MEGF8: variants seen among roughly 807,000 people sequenced by gnomAD.
MEGF8 encodes multiple epidermal growth factor-like domains protein 8.
MEGF8 carries 156 observed loss-of-function variants against 302.9 expected under a neutral mutation model. The observed-to-expected ratio is 0.52, with a 90% CI of 0.45 to 0.59. MEGF8 has a LOEUF of 0.59. Ranked by LOEUF, MEGF8 falls within the 20% of genes least tolerant of loss-of-function variation. The pLI is 0.00. For missense variants in MEGF8, 3,345 were observed against 3,964.5 expected, an observed-to-expected ratio of 0.84 and a Z score of 4.20; for synonymous variants, 1,621 against 1,660.5, an observed-to-expected ratio of 0.98 and a Z score of 0.58.
At chr19:42,346,304 G>T (rs1053965571) in intron 12 of MEGF8, among the ~76,000 whole-genome samples, 1 of 145,874 alleles carries the variant, frequency 6.9e-6, no homozygotes, top group African/African-American at 2.5e-5. Flanking sequence ...CTGTAATTCC[G>T]GCCGAGGTGG....
chr19:42,326,950 G>T (rs1295492395), intron 1 of MEGF8, among the ~76,000 whole-genome samples: 1 of 151,768 alleles, frequency 6.6e-6, no homozygotes, highest in Non-Finnish European at 1.5e-5. Context: ...AACGATCCTC[G>T]CACCTCAGCC....
In MEGF8 at chr19:42,377,802, AT is replaced by A. The variant is rs1374814125; in HGVS notation, c.*1030del. The A allele has an allele frequency of 3.3e-5, 5 of 151,920 alleles. No homozygotes were observed. Among genetic ancestry groups the A allele is most frequent in the African/African-American group, 9.7e-5 (4 of 41,422 alleles). The allele number at this position is 151,920 out of a possible 1,614,324, so 9.4% of individuals were successfully genotyped here. Reference sequence around the variant, plus strand: ...ACTCCACCTCAAAAAAAAAAAAAAAATTTAAGAGGTCACTCAGTTGTGCTGT... The same window carrying A: ...ACTCCACCTCAAAAAAAAAAAAAAAATTAAGAGGTCACTCAGTTGTGCTGT... On this transcript the variant is annotated 3_prime_UTR_variant, in exon 42 of 42. Transcript: ENST00000251268.
Position 42,358,443 on chromosome 19 carries a change from C to T in MEGF8, c.5175+136C>T. ...TATGTTCCCTAACTAAGCGACACCC[C>T]CACATCTCCCCCGCTTCCATCCCTG... On this transcript the variant is annotated intron_variant, in intron 29 of 41. Transcript: ENST00000251268. This position sits in a 1 kb window ranked among gnomAD's most constrained non-coding sequence, Gnocchi z 4.4. 8.8e-7 allele frequency: 1 copy of T among 1,130,528 alleles called. No individual in the cohort carries two copies. Among genetic ancestry groups the T allele is most frequent in the South Asian group, 1.6e-5 (1 of 61,650 alleles). 70.0% of individuals were successfully genotyped at this position (1,130,528 alleles called of 1,614,324 possible). A position where few individuals can be genotyped will look rare whatever the true frequency, so the allele number is the denominator to read the frequency against.
At chr19:42,345,690 A>T (rs760307013) in intron 12 of MEGF8, among the ~76,000 whole-genome samples, 4 of 152,214 alleles carry the variant, frequency 2.6e-5, no homozygotes, top group Admixed American at 6.5e-5. Flanking sequence ...TTATCCATTC[A>T]TCAGCTGATG....
At chr19:42,359,024 C>T in intron 30 of MEGF8, 70 bp downstream of exon 30, 1 of 1,556,050 alleles carries the variant, frequency 6.4e-7, no homozygotes, top group South Asian at 1.2e-5. Flanking sequence ...ACAGGGGTGG[C>T]TGGAGGGCTA....
At position 42,351,362 on chromosome 19, in the gene MEGF8, G is replaced by T. The variant is rs761611427; in HGVS notation, c.2855+28G>T. ...GAGTCAGGCTGGGTGCAGGGAGTGG[G>T]TGGGTGGATGTGCCTGGGGATGTGT... On this transcript the variant is annotated intron_variant, in intron 16 of 41. Transcript: ENST00000251268. This position sits in a 1 kb window ranked among gnomAD's most constrained non-coding sequence, Gnocchi z 5.6. The T allele has an allele frequency of 6.4e-7, 1 of 1,567,906 alleles. No homozygotes were observed. The highest frequency in any genetic ancestry group is 1.9e-5 in the Admixed American group (1 of 52,590).
chr19:42,370,817 C>A lies in MEGF8; in HGVS notation c.7122C>A (p.Asp2374Glu), dbSNP rs765312333. Residue 2374 changes from aspartate (D) to glutamate (E), a missense_variant, in exon 40 of 42, where the codon GAC (aspartate) becomes GAA (glutamate). By Grantham distance (45) the Asp-to-Glu change is conservative. Coordinates refer to ENST00000251268, the MANE Select transcript of MEGF8 (RefSeq NM_001271938.2). ...ESCLQGYFLL[D>E]GKCTKCQCNG... is the part of the protein sequence containing the mutation. ...GCCTGCAGGGCTACTTCCTCCTGGA[C>A]GGGAAGTGCACCAAGTAAGAGGAAC... 1.0e-6 allele frequency: 1 copy of A among 959,092 alleles called. No individual in the cohort carries two copies. The highest frequency in any genetic ancestry group is 1.6e-6 in the Non-Finnish European group (1 of 638,212). The allele number at this position is 959,092 out of a possible 1,614,324, so 59.4% of individuals were successfully genotyped here. A position where few individuals can be genotyped will look rare whatever the true frequency, so the allele number is the denominator to read the frequency against.
Position 42,352,076 on chromosome 19 carries a change from C to A in MEGF8, c.3102-132C>A. The A allele has an allele frequency of 8.1e-7, 1 of 1,231,172 alleles. No individual in the cohort carries two copies. Among genetic ancestry groups the A allele is most frequent in the African/African-American group, 1.5e-5 (1 of 65,566 alleles). The allele number at this position is 1,231,172 out of a possible 1,614,324, so 76.3% of individuals were successfully genotyped here. A position where few individuals can be genotyped will look rare whatever the true frequency, so the allele number is the denominator to read the frequency against. On this transcript the variant is annotated intron_variant, in intron 18 of 41. Transcript: ENST00000251268. This position sits in a 1 kb window ranked among gnomAD's most constrained non-coding sequence, Gnocchi z 4.4. ...TTTTGTCTGCGACTTCTCCTGGTTT[C>A]TCTGTCTCTCTTTCCAAATTTGTAT...
intron 3 of MEGF8, 123 bp from the exon 4 acceptor site, chr19:42,334,912 C>T: frequency 2.1e-6 from 2 of 944,042 alleles, no homozygotes; most frequent in Non-Finnish European, 3.1e-6. Flanking sequence ...CTGTCTGTCT[C>T]TTTCTCTCTC....
intron 8 of MEGF8, among the ~76,000 whole-genome samples, chr19:42,338,790 TACC>T (rs1243297149): frequency 6.6e-6 from 1 of 150,892 alleles, no homozygotes; most frequent in Non-Finnish European, 1.5e-5. Context: ...GATGTATACG[TACC>T]ACATTTTCTT....
At chr19:42,347,914 C>T (rs947331125) in intron 12 of MEGF8, among the ~76,000 whole-genome samples, 10 of 152,176 alleles carry the variant, frequency 6.6e-5, no homozygotes, top group Admixed American at 4.6e-4. Context: ...ATAAATCTTG[C>T]ACTTTGTCTG....
intron 3 of MEGF8, 29 bp from the exon 4 acceptor site, chr19:42,335,006 T>C (rs769900693): frequency 6.3e-6 from 10 of 1,586,782 alleles, no homozygotes; most frequent in South Asian, 1.1e-5. Flanking sequence ...CCCTCTCTTA[T>C]CTCTGCCTTT....
In MEGF8 at chr19:42,357,456, G is replaced by A. The variant is rs1446634762; in HGVS notation, c.4883G>A (p.Arg1628His). 5 of 1,613,606 alleles carry A rather than the reference G, an allele frequency of 3.1e-6. 1 individual carries two copies. The highest frequency in any genetic ancestry group is 2.2e-5 in the East Asian group (1 of 44,882). The change falls in exon 28 of 42, where the codon CGC becomes CAC. Residue 1628 changes from arginine (R) to histidine (H), a missense_variant. Coordinates refer to ENST00000251268, the MANE Select transcript of MEGF8 (RefSeq NM_001271938.2). This position sits in a 1 kb window ranked among gnomAD's most constrained non-coding sequence, Gnocchi z 5.2. ...GTTGCTGGTCACACCCTTACTGCCC[G>A]CCGAGGCCTGTCTCTGCTCCTGGTG... ...PAVAGHTLTARRGLSLLLVGG... is the reference protein window; with the variant it reads ...PAVAGHTLTAHRGLSLLLVGG...
Position 42,351,552 on chromosome 19 carries a change from G to T in MEGF8, c.2979G>T (p.Trp993Cys). ...ARYPHGGCRGWDDSVHSEPRC... is the reference protein window; with the variant it reads ...ARYPHGGCRGCDDSVHSEPRC... ...ACCCACACGGGGGCTGTCGAGGCTG[G>T]GACGACAGGTATGGTCCCTGGGGCA... The change falls in exon 17 of 42, where the codon TGG (tryptophan) becomes TGT (cysteine). Residue 993 changes from tryptophan to cysteine, a missense_variant. Trp to Cys is a radical substitution (Grantham distance 215). Transcript: ENST00000251268. This position sits in a 1 kb window ranked among gnomAD's most constrained non-coding sequence, Gnocchi z 5.6. 1 of 1,609,222 alleles carries T rather than the reference G, an allele frequency of 6.2e-7. No individual in the cohort carries two copies.
chr19:42,345,800 GC>G (rs1473933795), intron 12 of MEGF8, among the ~76,000 whole-genome samples: 6 of 152,190 alleles, frequency 3.9e-5, no homozygotes, highest in African/African-American at 9.6e-5. Flanking sequence ...AATTCTTGTG[GC>G]TGTATACCTA....
At position 42,355,957 on chromosome 19, in the gene MEGF8, G is replaced by A. The variant is rs765940754; in HGVS notation, c.4344G>A (p.Leu1448=). ...CTGGCCCACACTGCCGCATGGCTCT[G>A]TGTCCTGAGAACTGCAATGCCCACA... is the stretch of plus-strand genomic sequence containing the variant. The part of the protein sequence containing the change: ...GWAGPHCRMA[L]CPENCNAHTG... Residue 1448 remains leucine, a synonymous_variant, in exon 24 of 42, where the codon CTG becomes CTA. Coordinates refer to ENST00000251268, the MANE Select transcript of MEGF8 (RefSeq NM_001271938.2). 1.2e-6 allele frequency: 2 copies of A among 1,611,902 alleles called. No homozygotes were observed. The highest frequency in any genetic ancestry group is 1.1e-5 in the South Asian group (1 of 90,744).
Position 42,358,352 on chromosome 19 carries a change from G to T in MEGF8, c.5175+45G>T. ...ACCCAAGGATGTATGGGGCAGGAGG[G>T]AGGGGTCCTCTTTCCCAGTGCCCCA... On this transcript the variant is annotated intron_variant, in intron 29 of 41. Transcript: ENST00000251268. This position sits in a 1 kb window ranked among gnomAD's most constrained non-coding sequence, Gnocchi z 4.4. 1.3e-6 allele frequency: 2 copies of T among 1,538,408 alleles called. No individual in the cohort carries two copies. Among genetic ancestry groups the T allele is most frequent in the Non-Finnish European group, 1.7e-6 (2 of 1,148,244 alleles).
chr19:42,374,507 C>G (rs1016487910), intron 41 of MEGF8, among the ~76,000 whole-genome samples: 2 of 149,890 alleles, frequency 1.3e-5, no homozygotes, highest in Non-Finnish European at 3.0e-5. Flanking sequence ...CACCCCAGAT[C>G]AGGTGGTCAG....
chr19:42,376,656 C>T lies in MEGF8; in HGVS notation c.8419C>T (p.Arg2807Trp), dbSNP rs755424542. 1.7e-5 allele frequency: 26 copies of T among 1,536,794 alleles called. No individual in the cohort carries two copies. Among genetic ancestry groups the T allele is most frequent in the Admixed American group, 9.8e-5 (5 of 50,932 alleles). ...CCTGGGGTCAGCCCTCGTCACACTG[C>T]GGCACAGGCTGCACGAGTACTGTGG... ...ACLGSALVTL[R>W]HRLHEYCGGG... The change falls in exon 42 of 42, where the codon CGG becomes TGG. Residue 2807 changes from arginine to tryptophan, a missense_variant. Arg to Trp is a moderately radical substitution (Grantham distance 101). Coordinates refer to ENST00000251268, the MANE Select transcript of MEGF8 (RefSeq NM_001271938.2). This position sits in a 1 kb window ranked among gnomAD's most constrained non-coding sequence, Gnocchi z 8.2.
Sources: gnomAD v4.1 joint callset for allele counts (sites outside exome capture counted in the v4.1 genomes callset) on GRCh38, gnomAD v4.1.1 for gene constraint, Gnocchi (gnomAD v3.1) non-coding constraint, MANE v1.5 for transcripts, NCBI Gene and HGNC (gene_info 2026-07-23, HGNC 2026-07-21) for gene names.